TNXB: variants seen among roughly 807,000 people sequenced by gnomAD.
TNXB encodes tenascin-X.
TNXB carries 183 observed loss-of-function variants against 340.5 expected under a neutral mutation model. The ratio of observed to expected loss-of-function variants is 0.54; its 90% CI spans 0.48 to 0.61. The LOEUF is 0.61. Ranked by LOEUF, TNXB falls within the 20% of genes least tolerant of loss-of-function variation. The pLI is 0.00. For missense variants in TNXB, 4,613 were observed against 5,446.4 expected (o/e 0.85, Z 4.82); for synonymous variants, 2,121 against 2,314.5 (o/e 0.92, Z 2.40).
Position 32,067,483 on chromosome 6 carries a change from T to A in TNXB, c.6544+178A>T, listed in dbSNP as rs1275872831. 2.6e-5 allele frequency among the ~76,000 whole-genome samples: 4 copies of A among 151,910 alleles called. No individual in the cohort carries two copies. Among genetic ancestry groups the A allele is most frequent in the African/African-American group, 9.7e-5 (4 of 41,322 alleles). On this transcript the variant is annotated intron_variant, in intron 18 of 43. Coordinates refer to ENST00000644971, the MANE Select transcript of TNXB (RefSeq NM_001365276.2). This position sits in a 1 kb window ranked among gnomAD's most constrained non-coding sequence, Gnocchi z 4.2. ...TCCCTGGGGGCCTTTCCCATATGGC[T>A]CCGACACTTCTCCTGGATTTGCTCT...
At position 32,070,456 on chromosome 6, in the gene TNXB, C is replaced by T. The variant is rs565547402; in HGVS notation, c.4991-42G>A. The T allele has an allele frequency of 7.9e-6, 12 of 1,511,074 alleles. No individual in the cohort carries two copies. The East Asian group carries it at 2.6e-4, about 32-fold the overall frequency. 93.6% of individuals were successfully genotyped at this position (1,511,074 alleles called of 1,614,324 possible). A position where few individuals can be genotyped will look rare whatever the true frequency, so the allele number is the denominator to read the frequency against. ...CTTGTGTTTATTTTTTCCAAAACGA[C>T]TCCTTGACTGCCTCCCTCTGGGGCT... On this transcript the variant is annotated intron_variant, in intron 13 of 43. Transcript: ENST00000644971. The surrounding 1 kb of genome is among the most constrained non-coding windows in gnomAD (Gnocchi z 6.0).
Position 32,052,698 on chromosome 6 carries a change from C to A in TNXB, c.9087G>T (p.Val3029=). The A allele has an allele frequency of 1.2e-6, 2 of 1,613,586 alleles. No homozygotes were observed. Among genetic ancestry groups the A allele is most frequent in the Non-Finnish European group, 8.5e-7 (1 of 1,179,776 alleles). ...HLYGLHEGQR[V]GPVSAVGVTA... ...TCACACCCACAGCGGACACTGGGCC[C>A]ACGCGCTGCCCCTCGTGGAGGCCGT... Residue 3029 remains valine (V), a synonymous_variant, in exon 26 of 44, where the codon GTG becomes GTT. Transcript: ENST00000644971. This position sits in a 1 kb window ranked among gnomAD's most constrained non-coding sequence, Gnocchi z 4.7.
chr6:32,065,863 T>C (rs1161131247), intron 18 of TNXB, among the ~76,000 whole-genome samples: 1 of 152,164 alleles, frequency 6.6e-6, no homozygotes, highest in Non-Finnish European at 1.5e-5. Flanking sequence ...TTGGTCAGGC[T>C]GGTCTTGAAC....
chr6:32,071,732 C>T (rs1014402505), intron 13 of TNXB, among the ~76,000 whole-genome samples: 3 of 152,130 alleles, frequency 2.0e-5, no homozygotes, highest in Non-Finnish European at 2.9e-5. Context: ...ATTACTAGCA[C>T]CCATCACCAC....
rs574036721 is a variant in TNXB, at chr6:32,081,546, G to T, written c.3864C>A (p.Phe1288Leu). 1.2e-6 allele frequency: 2 copies of T among 1,605,012 alleles called. No individual in the cohort carries two copies. Among genetic ancestry groups the T allele is most frequent in the African/African-American group, 2.7e-5 (2 of 74,804 alleles). The change falls in exon 10 of 44, where the codon TTC (phenylalanine) becomes TTA (leucine). Residue 1288 changes from phenylalanine to leucine, a missense_variant. Coordinates refer to ENST00000644971, the MANE Select transcript of TNXB (RefSeq NM_001365276.2). The surrounding 1 kb of genome is among the most constrained non-coding windows in gnomAD (Gnocchi z 5.1). The part of the protein sequence containing the change: ...RLSWTVAQGP[F>L]DSFMVQYKDA... ...CCTTGTACTGGACCATGAATGAGTC[G>T]AAGGGGCCCTGGGCCACTGTCCATG...
Position 32,089,130 on chromosome 6 carries a change from C to G in TNXB, c.2516-82G>C, listed in dbSNP as rs114223602. The G allele has an allele frequency of 9.0e-3, 14,144 of 1,573,210 alleles. 116 individuals carry two copies. Among genetic ancestry groups the G allele is most frequent in the African/African-American group, 0.041 (3,077 of 74,236 alleles). ...TTCCTTCCAAGAGCCTAGCCCCCATCCAGCCCCTTCCTTCTGCCCTCCCGG... is the reference window on the plus strand; with the variant it reads ...TTCCTTCCAAGAGCCTAGCCCCCATGCAGCCCCTTCCTTCTGCCCTCCCGG... On this transcript the variant is annotated intron_variant, in intron 5 of 43. Coordinates refer to ENST00000644971, the MANE Select transcript of TNXB (RefSeq NM_001365276.2). This position sits in a 1 kb window ranked among gnomAD's most constrained non-coding sequence, Gnocchi z 6.2.
chr6:32,052,630 G>A lies in TNXB; in HGVS notation c.9115+40C>T, dbSNP rs2151896065. The A allele has an allele frequency of 6.3e-7, 1 of 1,599,204 alleles. No individual in the cohort carries two copies. Among genetic ancestry groups the A allele is most frequent in the Non-Finnish European group, 8.6e-7 (1 of 1,168,720 alleles). On this transcript the variant is annotated intron_variant, in intron 26 of 43. Transcript: ENST00000644971. The surrounding 1 kb of genome is among the most constrained non-coding windows in gnomAD (Gnocchi z 4.7). ...ACTGGAGAGACAGCAGTGTCTTCCA[G>A]GGCCATCTTCCCCACCTCGCCTCAC...
At position 32,098,082 on chromosome 6, in the gene TNXB, G is replaced by C; in HGVS notation, c.117C>G (p.Pro39=). Reference sequence around the variant, plus strand: ...CTGTGTGGCCCCCTGGCTGGGGAGGGGGCCGGGGGGCTGGCAGTGTCACAT... The same window carrying C: ...CTGTGTGGCCCCCTGGCTGGGGAGGCGGCCGGGGGGCTGGCAGTGTCACAT... ...RSNVTLPAPR[P]PPQPGGHTVG... Residue 39 remains proline, a synonymous_variant, in exon 2 of 44, where the codon CCC becomes CCG. Coordinates refer to ENST00000644971, the MANE Select transcript of TNXB (RefSeq NM_001365276.2). The C allele has an allele frequency of 6.2e-7, 1 of 1,605,464 alleles. No homozygotes were observed. Among genetic ancestry groups the C allele is most frequent in the Non-Finnish European group, 8.5e-7 (1 of 1,176,974 alleles).
At position 32,089,674 on chromosome 6, in the gene TNXB, C is replaced by T. The variant is rs1464494029; in HGVS notation, c.2359-295G>A. Among the ~76,000 whole-genome samples, 2 of 152,194 alleles carry T rather than the reference C, an allele frequency of 1.3e-5. No individual in the cohort carries two copies. Among genetic ancestry groups the T allele is most frequent in the African/African-American group, 4.8e-5 (2 of 41,450 alleles). On this transcript the variant is annotated intron_variant, in intron 4 of 43. Transcript: ENST00000644971. This position sits in a 1 kb window ranked among gnomAD's most constrained non-coding sequence, Gnocchi z 6.2. The stretch of plus-strand genomic sequence containing the variant: ...GAGACACAGAAGGACAAGTATCTTG[C>T]CAACGTCACCAACACCAAGAAAATG...
rs1301932850 is a variant in TNXB, at chr6:32,108,151, C to T, written c.-9+1030G>A. On this transcript the variant is annotated intron_variant, in intron 1 of 43. Coordinates refer to ENST00000644971, the MANE Select transcript of TNXB (RefSeq NM_001365276.2). This position sits in a 1 kb window ranked among gnomAD's most constrained non-coding sequence, Gnocchi z 4.8. The stretch of plus-strand genomic sequence containing the variant: ...AATTGAGGTGCTGGGTCCCCAGGGA[C>T]TTGAAGGCAGGGTCAGGGAAAAGAG... Among the ~76,000 whole-genome samples, 1 of 152,018 alleles carries T rather than the reference C, an allele frequency of 6.6e-6. No individual in the cohort carries two copies. Among genetic ancestry groups the T allele is most frequent in the Non-Finnish European group, 1.5e-5 (1 of 67,992 alleles).
chr6:32,098,365 CT>C (rs1289576820), intron 1 of TNXB, among the ~76,000 whole-genome samples, 159 bp from the exon 2 acceptor site: 2 of 152,208 alleles, frequency 1.3e-5, no homozygotes, highest in African/African-American at 4.8e-5. Flanking sequence ...AAAGGATACC[CT>C]CCCTGGGCAA....
Position 32,051,783 on chromosome 6 carries a change from A to G in TNXB, c.9115+887T>C, listed in dbSNP as rs1354725468. Among the ~76,000 whole-genome samples the G allele has an allele frequency of 6.6e-6, 1 of 152,222 alleles. No homozygotes were observed. Among genetic ancestry groups the G allele is most frequent in the Non-Finnish European group, 1.5e-5 (1 of 68,046 alleles). ...AGGAAATTCTGACTGATGCTACGACATAGATGAACCTTAAAGACATTGTAT... is the reference window on the plus strand; with the variant it reads ...AGGAAATTCTGACTGATGCTACGACGTAGATGAACCTTAAAGACATTGTAT... On this transcript the variant is annotated intron_variant, in intron 26 of 43. Coordinates refer to ENST00000644971, the MANE Select transcript of TNXB (RefSeq NM_001365276.2). The surrounding 1 kb of genome is among the most constrained non-coding windows in gnomAD (Gnocchi z 4.7).
At chr6:32,066,407 C>CAATA (rs1182656068) in intron 18 of TNXB, among the ~76,000 whole-genome samples, 1 of 152,012 alleles carries the variant, frequency 6.6e-6, no homozygotes, top group Non-Finnish European at 1.5e-5. Flanking sequence ...AAAAATCAAT[C>CAATA]AATCAATCAA....
In TNXB at chr6:32,042,553, C is replaced by A. The variant is rs961352374; in HGVS notation, c.12112G>T (p.Ala4038Ser). 2 of 1,609,532 alleles carry A rather than the reference C, an allele frequency of 1.2e-6. No homozygotes were observed. The highest frequency in any genetic ancestry group is 1.3e-5 in the African/African-American group (1 of 74,664). The change falls in exon 40 of 44, where the codon GCC becomes TCC. Residue 4038 changes from alanine (A) to serine (S), a missense_variant. Physicochemically the swap from Ala to Ser is moderately conservative, Grantham distance 99. Transcript: ENST00000644971. ...RDCGEEMQNG[A>S]GASRTSTIFL... ...ATGGTGCTGGTCCTGGAGGCACCGG[C>A]TCCGTTCTGCATCTCCTCCCCGCAG...
rs771352294 is a variant in TNXB, at chr6:32,084,436, G to A, written c.3422C>T (p.Pro1141Leu). 1.6e-5 allele frequency: 26 copies of A among 1,593,188 alleles called. No individual in the cohort carries two copies. The highest frequency in any genetic ancestry group is 9.0e-5 in the East Asian group (4 of 44,496). Residue 1141 changes from proline (P) to leucine (L), a missense_variant, in exon 8 of 44, where the codon CCG (proline) becomes CTG (leucine). By Grantham distance (98) the Pro-to-Leu change is moderately conservative. Transcript: ENST00000644971. This position sits in a 1 kb window ranked among gnomAD's most constrained non-coding sequence, Gnocchi z 5.5. Reference protein sequence around the residue: ...YGFVGKKRHGPLVAEAKILPQ... With the variant: ...YGFVGKKRHGLLVAEAKILPQ... Reference sequence around the variant, plus strand: ...ACAGATCTTGGCTTCAGCCACCAGCGGACCATGCCTCTTCTTGCCAACAAA... The same window carrying A: ...ACAGATCTTGGCTTCAGCCACCAGCAGACCATGCCTCTTCTTGCCAACAAA...
Position 32,061,999 on chromosome 6 carries a change from G to A in TNXB, c.7168+158C>T, listed in dbSNP as rs1778047290. On this transcript the variant is annotated intron_variant, in intron 20 of 43. Coordinates refer to ENST00000644971, the MANE Select transcript of TNXB (RefSeq NM_001365276.2). The surrounding 1 kb of genome is among the most constrained non-coding windows in gnomAD (Gnocchi z 4.4). ...CCTCCCTGCTCAGGGGGAGCCAGGG[G>A]TCAACCACACAAAAAGGTACAATGG... Among the ~76,000 whole-genome samples the A allele has an allele frequency of 6.6e-6, 1 of 152,142 alleles. No individual in the cohort carries two copies. Among genetic ancestry groups the A allele is most frequent in the Admixed American group, 6.5e-5 (1 of 15,276 alleles).
chr6:32,075,690 A>G lies in TNXB; in HGVS notation c.4376-1738T>C, dbSNP rs1582424701. On this transcript the variant is annotated intron_variant, in intron 11 of 43. Transcript: ENST00000644971. This position sits in a 1 kb window ranked among gnomAD's most constrained non-coding sequence, Gnocchi z 4.6. ...TCTGCTTTATTCACTGCTGTGTCCC[A>G]GTCCCTGGCACACAGTAGGTGCTCC... Among the ~76,000 whole-genome samples, 1 of 152,338 alleles carries G rather than the reference A, an allele frequency of 6.6e-6. No homozygotes were observed. The highest frequency in any genetic ancestry group is 1.9e-4 in the East Asian group (1 of 5,188).
intron 1 of TNXB, among the ~76,000 whole-genome samples, chr6:32,103,729 T>TTA (rs1435448113): frequency 7.1e-6 from 1 of 140,074 alleles, no homozygotes; most frequent in Non-Finnish European, 1.6e-5. Context: ...CACCGCATCT[T>TTA]TTTTTTTTTT....
At position 32,080,290 on chromosome 6, in the gene TNXB, A is replaced by C. The variant is rs1779362867; in HGVS notation, c.4043-925T>G. Among the ~76,000 whole-genome samples the C allele has an allele frequency of 6.6e-6, 1 of 151,814 alleles. No individual in the cohort carries two copies. The highest frequency in any genetic ancestry group is 1.5e-5 in the Non-Finnish European group (1 of 67,956). ...CAGTGGCGCGATCTCGGCTCACTGC[A>C]AGCTCCGCCTCCCGGGTTCACGCCA... On this transcript the variant is annotated intron_variant, in intron 10 of 43. Coordinates refer to ENST00000644971, the MANE Select transcript of TNXB (RefSeq NM_001365276.2). The surrounding 1 kb of genome is among the most constrained non-coding windows in gnomAD (Gnocchi z 4.3).
Sources: allele counts gnomAD v4.1 joint callset (sites outside exome capture counted in the v4.1 genomes callset), GRCh38; gene constraint gnomAD v4.1.1; non-coding constraint Gnocchi (gnomAD v3.1); transcripts MANE v1.5; gene names NCBI Gene and HGNC (gene_info 2026-07-23, HGNC 2026-07-21).